Variants in COPG1 observed in about 807,000 individuals in gnomAD.
COPG1 encodes the protein coat protein complex I subunit gamma 1, also known as coatomer subunit gamma-1.
A neutral mutation model predicts 102.8 loss-of-function variants in COPG1; 29 were observed. The ratio of observed to expected loss-of-function variants is 0.28; its 90% confidence interval spans 0.21 to 0.38. The LOEUF is 0.38. COPG1 is among the 10% of genes least tolerant of loss of function. COPG1 has a pLI of 1.00. For missense variants in COPG1, 875 were observed against 1,132.7 expected (o/e 0.77, Z 3.27); for synonymous variants, 406 against 421.6 (o/e 0.96, Z 0.45).
chr3:129,255,283 A>T (rs1939785729), intron 7 of COPG1, among the ~76,000 whole-genome samples: 1 of 150,202 alleles, frequency 6.7e-6, no homozygotes, highest in South Asian at 2.1e-4. Context: ...GGTTCAAGTG[A>T]TTTTCTTGCC....
chr3:129,272,163 A>C lies in COPG1; in HGVS notation c.1987-81A>C, dbSNP rs115693266. 3,801 of 1,315,394 alleles carry C rather than the reference A, an allele frequency of 2.9e-3. 83 individuals carry two copies. The African/African-American group carries it at 0.047, about 16-fold the overall frequency. 81.5% of individuals were successfully genotyped at this position (1,315,394 alleles called of 1,614,324 possible). ...GGAATCACCTTGGTCAATAGGAAAG[A>C]GGTGGGACCTCCTGGCTTTTCCTCT... On this transcript the variant is annotated intron_variant, in intron 19 of 23. Coordinates refer to ENST00000314797, the MANE Select transcript of COPG1 (RefSeq NM_016128.4).
At chr3:129,270,316 A>G (rs1167101589) in intron 18 of COPG1, among the ~76,000 whole-genome samples, 1 of 152,132 alleles carries the variant, frequency 6.6e-6, no homozygotes, top group Non-Finnish European at 1.5e-5. Context: ...ACAATCATCC[A>G]AAAGCCTCAC....
At chr3:129,263,807 G>C (rs905163944) in intron 12 of COPG1, 97 bp from the exon 13 acceptor site, 5 of 997,108 alleles carry the variant, frequency 5.0e-6, no homozygotes, top group Non-Finnish European at 7.9e-6. Context: ...CCCAAGGCCT[G>C]GCCTTACCTA....
Position 129,271,667 on chromosome 3 carries a change from G to A in COPG1, c.1844-100G>A. ...AAACATATCTATCCATCTAAGGTAG[G>A]GTGGAACACCTTGAGAATGGTCATG... On this transcript the variant is annotated intron_variant, in intron 18 of 23. Coordinates refer to ENST00000314797, the MANE Select transcript of COPG1 (RefSeq NM_016128.4). The surrounding 1 kb of genome is among the most constrained non-coding windows in gnomAD (Gnocchi z 4.7). 7.0e-7 allele frequency: 1 copy of A among 1,427,512 alleles called. No homozygotes were observed. The highest frequency in any genetic ancestry group is 9.7e-7 in the Non-Finnish European group (1 of 1,031,876). The allele number at this position is 1,427,512 out of a possible 1,614,324, so 88.4% of individuals were successfully genotyped here. A position where few individuals can be genotyped will look rare whatever the true frequency, so the allele number is the denominator to read the frequency against.
intron 8 of COPG1, among the ~76,000 whole-genome samples, chr3:129,256,962 C>G (rs1280645598): frequency 6.6e-6 from 1 of 152,220 alleles, no homozygotes; most frequent in African/African-American, 2.4e-5. Flanking sequence ...TTCTGGCCCT[C>G]CAGGCCTAGC....
intron 15 of COPG1, 28 bp from the exon 16 acceptor site, chr3:129,267,907 AGT>A (rs1560067052): frequency 6.3e-7 from 1 of 1,579,184 alleles, no homozygotes; most frequent in Non-Finnish European, 8.7e-7. Context: ...GCTGGGTCCC[AGT>A]CAGGACCACC....
intron 15 of COPG1, 126 bp downstream of exon 15, chr3:129,267,225 A>G (rs1272175601): frequency 7.6e-6 from 5 of 657,900 alleles, no homozygotes; most frequent in Non-Finnish European, 1.3e-5. Flanking sequence ...ATTGTAGAAA[A>G]AAAAGAGAAA....
intron 2 of COPG1, among the ~76,000 whole-genome samples, chr3:129,251,123 C>T (rs1364187203): frequency 4.6e-5 from 7 of 150,944 alleles, no homozygotes; most frequent in Non-Finnish European, 8.9e-5. Context: ...CGGGGTTTCA[C>T]CGCGTTAGCC....
intron 23 of COPG1, 31 bp from the exon 24 acceptor site, chr3:129,277,263 T>C (rs1364018794): frequency 1.2e-6 from 2 of 1,611,980 alleles, no homozygotes; most frequent in Non-Finnish European, 1.7e-6. Flanking sequence ...CCTTCTGCTG[T>C]ATATATCTGT....
intron 21 of COPG1, among the ~76,000 whole-genome samples, chr3:129,273,811 G>A (rs889594823): frequency 4.6e-5 from 7 of 152,126 alleles, no homozygotes; most frequent in African/African-American, 1.7e-4. Context: ...AATGCTTTCT[G>A]GATAAATTTG....
At chr3:129,264,342 C>T (rs1363437905) in intron 13 of COPG1, among the ~76,000 whole-genome samples, 1 of 152,142 alleles carries the variant, frequency 6.6e-6, no homozygotes, top group African/African-American at 2.4e-5. Context: ...TCTTGTGAAA[C>T]CGGTGCTAAT....
Position 129,260,760 on chromosome 3 carries a change from A to G in COPG1, c.1081A>G (p.Met361Val), listed in dbSNP as rs1939910680. The stretch of plus-strand genomic sequence containing the variant: ...CAGCGAGAGCAGCATCGACCGCCTC[A>G]TGAAGCAGATCTCCTCCTTCATGTC... Reference protein sequence around the residue: ...TGSESSIDRLMKQISSFMSEI... With the variant: ...TGSESSIDRLVKQISSFMSEI... The change falls in exon 12 of 24, where the codon ATG (methionine) becomes GTG (valine). Residue 361 changes from methionine to valine, a missense_variant. Physicochemically the swap from Met to Val is conservative, Grantham distance 21. Transcript: ENST00000314797. 1.2e-6 allele frequency: 2 copies of G among 1,612,814 alleles called. No homozygotes were observed. The highest frequency in any genetic ancestry group is 1.7e-6 in the Non-Finnish European group (2 of 1,180,022).
intron 21 of COPG1, chr3:129,274,281 AGAAT>A (rs2107679947): frequency 2.8e-6 from 1 of 353,660 alleles, no homozygotes; most frequent in African/African-American, 2.1e-5. Context: ...ATCTGATGGG[AGAAT>A]GAATGGGGAA....
At chr3:129,253,448 G>A (rs569700426) in intron 5 of COPG1, among the ~76,000 whole-genome samples, 1 of 152,266 alleles carries the variant, frequency 6.6e-6, no homozygotes, top group East Asian at 1.9e-4. Flanking sequence ...AGAAAATATT[G>A]TCTGTCAGTC....
chr3:129,263,279 A>C (rs2107676281), intron 12 of COPG1, among the ~76,000 whole-genome samples: 1 of 152,104 alleles, frequency 6.6e-6, no homozygotes, highest in African/African-American at 2.4e-5. Context: ...GGGGAGGAAA[A>C]GATGGGGTAT....
rs34883126 is a variant in COPG1, at chr3:129,276,823, C to CTTT, written c.2495-455_2495-453dup. Among the ~76,000 whole-genome samples, 1,043 of 129,936 alleles carry CTTT rather than the reference C, an allele frequency of 8.0e-3. 44 individuals are homozygous for CTTT. Among genetic ancestry groups the CTTT allele is most frequent in the African/African-American group, 0.028 (923 of 33,288 alleles). 85.2% of individuals were successfully genotyped at this position (129,936 alleles called of 152,430 possible). The stretch of plus-strand genomic sequence containing the variant: ...TGAAGTCCTGAGAGACAGTGACTTT[C>CTTT]TTTTTTTTTTTTTTTTTTGAGACGG... On this transcript the variant is annotated intron_variant, in intron 23 of 23. Coordinates refer to ENST00000314797, the MANE Select transcript of COPG1 (RefSeq NM_016128.4).
Position 129,265,609 on chromosome 3 carries a change from T to C in COPG1, c.1285T>C (p.Ser429Pro), listed in dbSNP as rs1275854229. Reference protein sequence around the residue: ...DCIISIIEENSESKETGLSHL... With the variant: ...DCIISIIEENPESKETGLSHL... Reference sequence around the variant, plus strand: ...CATCATCAGCATCATTGAAGAGAACTCAGAGAGCAAGGAGACAGGGCTGTC... The same window carrying C: ...CATCATCAGCATCATTGAAGAGAACCCAGAGAGCAAGGAGACAGGGCTGTC... The change falls in exon 14 of 24, where the codon TCA (serine) becomes CCA (proline). Residue 429 changes from serine (S) to proline (P), a missense_variant. Physicochemically the swap from Ser to Pro is moderately conservative, Grantham distance 74 (BLOSUM62 -1). Transcript: ENST00000314797. The C allele has an allele frequency of 1.9e-6, 3 of 1,614,040 alleles. No individual in the cohort carries two copies. The African/African-American group carries it at 4.0e-5, about 22-fold the overall frequency.
chr3:129,274,084 G>A (rs772868520), intron 21 of COPG1: 1 of 455,914 alleles, frequency 2.2e-6, no homozygotes, highest in South Asian at 1.5e-5. Flanking sequence ...GAGGATGGAT[G>A]GACCTTCCTT....
chr3:129,254,160 G>C (rs535776223), intron 5 of COPG1, among the ~76,000 whole-genome samples: 1 of 152,278 alleles, frequency 6.6e-6, no homozygotes, highest in South Asian at 2.1e-4. Flanking sequence ...AGCCGGGTAT[G>C]GTGGCATGTG....
Sources: allele counts gnomAD v4.1 joint callset (sites outside exome capture counted in the v4.1 genomes callset), GRCh38; gene constraint gnomAD v4.1.1; non-coding constraint Gnocchi (gnomAD v3.1); transcripts MANE v1.5; gene names NCBI Gene and HGNC (gene_info 2026-07-23, HGNC 2026-07-21).